Variants in NAALADL2 observed in about 807,000 individuals in gnomAD.
NAALADL2 encodes the protein N-acetylated alpha-linked acidic dipeptidase like 2.
In NAALADL2, 76 loss-of-function variants were observed where a neutral mutation model predicts 87.2. The observed-to-expected ratio is 0.87, with a 90% confidence interval of 0.72 to 1.05. The LOEUF is 1.05. Ranked by LOEUF, NAALADL2 falls within the 50% of genes least tolerant of loss-of-function variation. The pLI is 0.00. For synonymous variants in NAALADL2, 354 were observed against 331.0 expected, an observed-to-expected ratio of 1.07 and a Z score of -0.75; for missense variants, 1,089 against 945.8, an observed-to-expected ratio of 1.15 and a Z score of -1.99.
intron 4 of NAALADL2, among the ~76,000 whole-genome samples, chr3:175,313,706 G>A (rs565399497): frequency 2.6e-5 from 4 of 152,222 alleles, no homozygotes; most frequent in South Asian, 2.1e-4. Context: ...CCTTCCGAGC[G>A]AGAAAATATG....
At chr3:175,052,850 G>A (rs1373779478) in intron 1 of NAALADL2, among the ~76,000 whole-genome samples, 1 of 152,108 alleles carries the variant, frequency 6.6e-6, no homozygotes, top group Non-Finnish European at 1.5e-5. Flanking sequence ...TACTGCCATG[G>A]TTCCAGATAT....
At chr3:174,474,497 A>T (rs534015908) in intron 1 of NAALADL2, among the ~76,000 whole-genome samples, 77 of 152,246 alleles carry the variant, frequency 5.1e-4, no homozygotes, top group Non-Finnish European at 1.0e-3. Context: ...TCATTACTGA[A>T]AGTGTAAACT....
chr3:174,800,521 G>C (rs1291428701), intron 3 of NAALADL2, among the ~76,000 whole-genome samples: 1 of 152,194 alleles, frequency 6.6e-6, no homozygotes, highest in Non-Finnish European at 1.5e-5. Context: ...GTTTGGTATA[G>C]AGGTGGGGCC....
At chr3:175,456,466 C>A (rs1722337486) in intron 6 of NAALADL2, among the ~76,000 whole-genome samples, 1 of 151,574 alleles carries the variant, frequency 6.6e-6, no homozygotes, top group African/African-American at 2.4e-5. Context: ...ACTACCAATA[C>A]ACACACACAC....
At chr3:174,928,699 C>T (rs1736445937) in intron 1 of NAALADL2, among the ~76,000 whole-genome samples, 1 of 152,038 alleles carries the variant, frequency 6.6e-6, no homozygotes, top group Non-Finnish European at 1.5e-5. Flanking sequence ...TAGGTCATCA[C>T]ATTATAAAGT....
At chr3:175,421,098 AATT>A (rs1279760631) in intron 5 of NAALADL2, among the ~76,000 whole-genome samples, 1 of 152,040 alleles carries the variant, frequency 6.6e-6, no homozygotes, top group Non-Finnish European at 1.5e-5. Context: ...ATAATAAAGA[AATT>A]ATAAAATATC....
At chr3:174,931,610 GA>G (rs1404676308) in intron 1 of NAALADL2, among the ~76,000 whole-genome samples, 3 of 152,124 alleles carry the variant, frequency 2.0e-5, no homozygotes, top group Non-Finnish European at 4.4e-5. Context: ...CAAATTATGA[GA>G]CATCCCTATG....
At chr3:174,786,403 A>G (rs983269899) in intron 3 of NAALADL2, among the ~76,000 whole-genome samples, 2 of 149,570 alleles carry the variant, frequency 1.3e-5, no homozygotes, top group South Asian at 2.1e-4. Flanking sequence ...GTGAGCCGAG[A>G]TCACACCACT....
At chr3:175,473,222 G>A (rs1725154586) in intron 9 of NAALADL2, among the ~76,000 whole-genome samples, 1 of 151,996 alleles carries the variant, frequency 6.6e-6, no homozygotes, top group Non-Finnish European at 1.5e-5. Flanking sequence ...ACCTAATTAT[G>A]TGAGAATACA....
intron 3 of NAALADL2, among the ~76,000 whole-genome samples, chr3:174,802,015 T>A (rs894039238): frequency 6.6e-6 from 1 of 152,086 alleles, no homozygotes; most frequent in Non-Finnish European, 1.5e-5. Flanking sequence ...ACCCACATTT[T>A]AAAAATACCA....
chr3:174,773,218 G>T (rs1382548483), intron 3 of NAALADL2, among the ~76,000 whole-genome samples: 1 of 152,172 alleles, frequency 6.6e-6, no homozygotes, highest in Non-Finnish European at 1.5e-5. Context: ...TCTCAGGCCT[G>T]TTAAAGTATA....
At chr3:175,009,386 T>A (rs1749480218) in intron 1 of NAALADL2, among the ~76,000 whole-genome samples, 1 of 152,154 alleles carries the variant, frequency 6.6e-6, no homozygotes, top group Non-Finnish European at 1.5e-5. Flanking sequence ...TATTAAAATG[T>A]TAACATGGTT....
chr3:175,108,569 G>A (rs370053699), intron 2 of NAALADL2, among the ~76,000 whole-genome samples: 14 of 151,828 alleles, frequency 9.2e-5, no homozygotes, highest in Admixed American at 5.3e-4. Context: ...TTCTTTGGTC[G>A]GTTTCATCAT....
chr3:174,545,899 TTTTTG>T (rs1560045037), intron 1 of NAALADL2, among the ~76,000 whole-genome samples: 1 of 150,942 alleles, frequency 6.6e-6, no homozygotes, highest in African/African-American at 2.4e-5. Flanking sequence ...TGGTATTCTG[TTTTTG>T]TTTTATTAAT....
intron 10 of NAALADL2, among the ~76,000 whole-genome samples, chr3:175,607,981 C>CAA (rs1724022930): frequency 6.6e-6 from 1 of 151,208 alleles, no homozygotes; most frequent in African/African-American, 2.4e-5. Context: ...ACCATATTAA[C>CAA]TAAAAACTCA....
chr3:175,305,095 ATTATT>A (rs1389582476), intron 4 of NAALADL2, among the ~76,000 whole-genome samples: 1 of 152,042 alleles, frequency 6.6e-6, no homozygotes, highest in African/African-American at 2.4e-5. Flanking sequence ...AATTTTGTTC[ATTATT>A]TTATTATTAA....
At chr3:175,441,671 T>TCACA (rs57990259) in intron 5 of NAALADL2, among the ~76,000 whole-genome samples, 1,951 of 148,726 alleles carry the variant, frequency 0.013, 30 homozygotes, top group African/African-American at 0.038. Flanking sequence ...GATCTCATGT[T>TCACA]CACACACACA....
intron 11 of NAALADL2, among the ~76,000 whole-genome samples, chr3:175,703,938 G>A (rs1739325434): frequency 6.6e-6 from 1 of 152,094 alleles, no homozygotes; most frequent in African/African-American, 2.4e-5. Flanking sequence ...TGACTCCTGA[G>A]TTTCCTTTGG....
chr3:175,129,739 G>A lies in NAALADL2; in HGVS notation c.545+32448G>A, dbSNP rs374261266. 9.2e-5 allele frequency among the ~76,000 whole-genome samples: 14 copies of A among 152,134 alleles called. No individual in the cohort carries two copies. The South Asian group carries it at 2.1e-3, about 23-fold the overall frequency. On this transcript the variant is annotated intron_variant, in intron 2 of 13. Coordinates refer to ENST00000454872, the MANE Select transcript of NAALADL2 (RefSeq NM_207015.3). ...TCATCCGTTGACAGACATTTAGGTC[G>A]TTCCCATATCTTGGCTACTGTGAGT...
Sources: allele counts gnomAD v4.1 joint callset (sites outside exome capture counted in the v4.1 genomes callset), GRCh38; gene constraint gnomAD v4.1.1; transcripts MANE v1.5; gene names NCBI Gene and HGNC (gene_info 2026-07-23, HGNC 2026-07-21).